DAB1: variants seen among roughly 807,000 people sequenced by gnomAD.
DAB1 encodes the protein disabled homolog 1.
In DAB1, 15 loss-of-function variants were observed where a neutral mutation model predicts 64.6. That is an observed-to-expected ratio of 0.23 (90% confidence interval 0.16 to 0.36). The LOEUF (loss-of-function observed/expected upper bound fraction) is 0.36, where lower values mean the gene tolerates loss of function less well. DAB1 is among the 10% of genes least tolerant of loss of function. DAB1 has a pLI of 1.00. For missense variants in DAB1, 596 were observed against 706.7 expected, an observed-to-expected ratio of 0.84 and a Z score of 1.78; for synonymous variants, 235 against 251.9, an observed-to-expected ratio of 0.93 and a Z score of 0.64.
intron 3 of DAB1, among the ~76,000 whole-genome samples, chr1:58,492,306 A>C (rs1411930861): frequency 6.6e-6 from 1 of 152,242 alleles, no homozygotes; most frequent in Non-Finnish European, 1.5e-5. Flanking sequence ...CTCACAAAAG[A>C]AAGCAGGAAA....
intron 2 of DAB1, among the ~76,000 whole-genome samples, chr1:57,285,631 C>T (rs1222187162): frequency 1.3e-5 from 2 of 152,140 alleles, no homozygotes; most frequent in Non-Finnish European, 2.9e-5. Context: ...ACACAAACCC[C>T]TCCCTTTAAA....
At chr1:57,874,290 T>A (rs1644006401) in intron 1 of DAB1, 1 of 152,168 alleles carries the variant, frequency 6.6e-6, no homozygotes, top group African/African-American at 2.4e-5. Context: ...GAAAGCAGTG[T>A]GTCTTGTTAA....
At chr1:57,778,691 T>G (rs1649929006) in intron 6 of DAB1, among the ~76,000 whole-genome samples, 1 of 152,154 alleles carries the variant, frequency 6.6e-6, no homozygotes, top group African/African-American at 2.4e-5. Flanking sequence ...GCGATTGCTA[T>G]ATAGATAAAT....
chr1:57,099,082 A>G (rs1352935930), intron 4 of DAB1, among the ~76,000 whole-genome samples: 2 of 152,226 alleles, frequency 1.3e-5, no homozygotes, highest in Non-Finnish European at 2.9e-5. Context: ...CTCTGGGTCT[A>G]GACAAATGAA....
At chr1:57,213,876 T>C (rs559220341) in intron 2 of DAB1, among the ~76,000 whole-genome samples, 1 of 152,292 alleles carries the variant, frequency 6.6e-6, no homozygotes, top group African/African-American at 2.4e-5. Flanking sequence ...CCTATAAAAT[T>C]CCATGATTCA....
chr1:58,053,205 G>A (rs1647806666), intron 5 of DAB1, among the ~76,000 whole-genome samples: 1 of 152,022 alleles, frequency 6.6e-6, no homozygotes, highest in South Asian at 2.1e-4. Flanking sequence ...CCCCACTCTT[G>A]GTACCAGTTT....
intron 3 of DAB1, 133 bp downstream of exon 3, chr1:57,145,157 T>C (rs893424926): frequency 2.4e-6 from 2 of 842,096 alleles, no homozygotes; most frequent in African/African-American, 3.4e-5. Flanking sequence ...AATGAAAAAA[T>C]ATGGTGATTC....
chr1:57,988,630 T>C (rs1456485699), intron 5 of DAB1, among the ~76,000 whole-genome samples: 1 of 152,134 alleles, frequency 6.6e-6, no homozygotes, highest in Non-Finnish European at 1.5e-5. Flanking sequence ...CCTCCTGTTA[T>C]TGCAATTTAA....
intron 4 of DAB1, among the ~76,000 whole-genome samples, chr1:58,162,500 G>A (rs939997772): frequency 1.3e-5 from 2 of 152,098 alleles, no homozygotes; most frequent in Non-Finnish European, 2.9e-5. Context: ...AACGCAAAGA[G>A]ACTAGAAGTT....
chr1:58,109,836 G>A (rs1651872271), intron 5 of DAB1, among the ~76,000 whole-genome samples: 1 of 151,300 alleles, frequency 6.6e-6, no homozygotes, highest in African/African-American at 2.4e-5. Flanking sequence ...GCAGAGAAGG[G>A]GAGGTTTTGG....
At chr1:58,092,268 C>T (rs1439961632) in intron 5 of DAB1, among the ~76,000 whole-genome samples, 23 of 150,832 alleles carry the variant, frequency 1.5e-4, no homozygotes, top group Admixed American at 1.5e-3. Flanking sequence ...CCAGCAGGGG[C>T]ATTGCAGCGA....
chr1:58,495,036 T>C (rs549715049), intron 3 of DAB1, among the ~76,000 whole-genome samples: 34 of 152,270 alleles, frequency 2.2e-4, no homozygotes, highest in South Asian at 1.2e-3. Flanking sequence ...CCAACAATGA[T>C]AGACTGGATT....
intron 3 of DAB1, among the ~76,000 whole-genome samples, chr1:58,418,155 C>A (rs1185381513): frequency 2.0e-5 from 3 of 152,198 alleles, no homozygotes; most frequent in Non-Finnish European, 4.4e-5. Context: ...ATTCTCTCAC[C>A]CTCTCTTATA....
chr1:57,708,369 C>T (rs1646991350), intron 6 of DAB1, among the ~76,000 whole-genome samples: 1 of 152,230 alleles, frequency 6.6e-6, no homozygotes, highest in African/African-American at 2.4e-5. Context: ...TCTTCCTTCT[C>T]TTTCCCTCAA....
intron 1 of DAB1, among the ~76,000 whole-genome samples, chr1:57,353,114 TACACACACACACACACACACAC>T: frequency 6.9e-6 from 1 of 145,634 alleles, no homozygotes; most frequent in East Asian, 2.0e-4. Context: ...TTTTTTTCCA[TACACACACACACACACACACAC>T]ACACACACAC....
At chr1:57,855,042 G>A (rs1429544325) in intron 1 of DAB1, among the ~76,000 whole-genome samples, 1 of 152,056 alleles carries the variant, frequency 6.6e-6, no homozygotes, top group African/African-American at 2.4e-5. Flanking sequence ...AACACAGAAG[G>A]ACAGTGTATT....
chr1:58,061,050 C>G (rs1038834213), intron 5 of DAB1, among the ~76,000 whole-genome samples: 3 of 152,176 alleles, frequency 2.0e-5, no homozygotes, highest in Non-Finnish European at 4.4e-5. Flanking sequence ...GGGGAAAGGA[C>G]CAGTCGTGGC....
intron 6 of DAB1, among the ~76,000 whole-genome samples, chr1:57,793,174 T>C (rs1373971653): frequency 6.6e-6 from 1 of 152,100 alleles, no homozygotes; most frequent in Non-Finnish European, 1.5e-5. Context: ...CAGAACAGAG[T>C]GCATAGCCTC....
intron 5 of DAB1, among the ~76,000 whole-genome samples, chr1:58,018,369 T>C (rs1646771853): frequency 6.6e-6 from 1 of 151,994 alleles, no homozygotes; most frequent in Admixed American, 6.6e-5. Flanking sequence ...GAGCTCTGAG[T>C]TTTCAAACCT....
Sources: allele counts gnomAD v4.1 joint callset (sites outside exome capture counted in the v4.1 genomes callset), GRCh38; gene constraint gnomAD v4.1.1; transcripts MANE v1.5; gene names NCBI Gene and HGNC (gene_info 2026-07-23, HGNC 2026-07-21).